The following ALG5 variants were observed in gnomAD, a reference collection of about 807,000 sequenced individuals.
ALG5 encodes dolichyl-phosphate beta-glucosyltransferase.
ALG5 carries 26 observed loss-of-function variants against 51.8 expected under a neutral mutation model. The observed-to-expected ratio is 0.50, with a 90% confidence interval of 0.37 to 0.70. The LOEUF (loss-of-function observed/expected upper bound fraction) is 0.70. Ranked by LOEUF, ALG5 falls within the 30% of genes least tolerant of loss-of-function variation. The pLI is 0.00. For missense variants in ALG5, 311 were observed against 399.3 expected, an observed-to-expected ratio of 0.78 and a Z score of 1.88; for synonymous variants, 141 against 136.1, an observed-to-expected ratio of 1.04 and a Z score of -0.25.
At chr13:36,966,369 T>C (rs1483149459) in intron 7 of ALG5, among the ~76,000 whole-genome samples, 1 of 152,228 alleles carries the variant, frequency 6.6e-6, no homozygotes, top group Non-Finnish European at 1.5e-5. Context: ...TGATGATTAA[T>C]TTTATTAGTA....
At chr13:36,954,454 G>A (rs2058831446) in intron 8 of ALG5, among the ~76,000 whole-genome samples, 1 of 152,110 alleles carries the variant, frequency 6.6e-6, no homozygotes, top group Admixed American at 6.6e-5. Flanking sequence ...ACCTCCCAAA[G>A]TCCTGAGATT....
intron 8 of ALG5, among the ~76,000 whole-genome samples, chr13:36,957,669 A>G (rs1171651855): frequency 2.0e-5 from 3 of 152,134 alleles, no homozygotes; most frequent in African/African-American, 7.2e-5. Flanking sequence ...ACTCTCCCCA[A>G]AAAGCGGGAC....
At chr13:36,965,917 C>T (rs2058891037) in intron 7 of ALG5, among the ~76,000 whole-genome samples, 191 bp from the exon 8 acceptor site, 1 of 152,088 alleles carries the variant, frequency 6.6e-6, no homozygotes, top group Non-Finnish European at 1.5e-5. Flanking sequence ...CTGCTTGGAG[C>T]AGAGTAGAGG....
intron 6 of ALG5, among the ~76,000 whole-genome samples, chr13:36,978,813 G>A (rs1260021235): frequency 6.6e-6 from 1 of 151,412 alleles, no homozygotes; most frequent in Non-Finnish European, 1.5e-5. Context: ...CTGTTTGGGA[G>A]GCTGAGGCAG....
intron 6 of ALG5, among the ~76,000 whole-genome samples, chr13:36,976,951 T>C (rs2058954839): frequency 6.6e-6 from 1 of 152,162 alleles, no homozygotes; most frequent in Non-Finnish European, 1.5e-5. Context: ...TATTGAGTAA[T>C]ACATAAAAAA....
chr13:36,990,729 C>T (rs1157063296), intron 4 of ALG5, among the ~76,000 whole-genome samples: 1 of 137,068 alleles, frequency 7.3e-6, no homozygotes, highest in East Asian at 2.3e-4. Flanking sequence ...CTTGCTGCAG[C>T]AAATGGCATC....
chr13:36,971,670 A>AAAAAC (rs2058924173), intron 7 of ALG5, among the ~76,000 whole-genome samples: 6 of 150,838 alleles, frequency 4.0e-5, no homozygotes, highest in South Asian at 2.1e-4. Context: ...AAAAAAAAAA[A>AAAAAC]GCGTAATTTA....
At chr13:36,973,695 A>T (rs553120763) in intron 6 of ALG5, among the ~76,000 whole-genome samples, 5 of 152,342 alleles carry the variant, frequency 3.3e-5, no homozygotes, top group African/African-American at 1.2e-4. Context: ...TACTACAGAC[A>T]AAAGGTTAAT....
chr13:36,985,781 C>A, intron 5 of ALG5, 41 bp from the exon 6 acceptor site: 1 of 1,401,446 alleles, frequency 7.1e-7, no homozygotes, highest in South Asian at 1.2e-5. Context: ...TTGGTTAAAA[C>A]TCAGGTTAAA....
intron 6 of ALG5, among the ~76,000 whole-genome samples, chr13:36,984,948 G>A (rs1353229892): frequency 1.3e-5 from 2 of 152,120 alleles, no homozygotes; most frequent in African/African-American, 4.8e-5. Flanking sequence ...TCTTGCTTCT[G>A]CTGAAATTCT....
At chr13:36,976,442 A>G (rs2058951421) in intron 6 of ALG5, among the ~76,000 whole-genome samples, 1 of 150,246 alleles carries the variant, frequency 6.7e-6, no homozygotes, top group Admixed American at 6.7e-5. Flanking sequence ...AAAAAAAAAA[A>G]AAAAAAAAGA....
At position 36,949,970 on chromosome 13, in the gene ALG5, C is replaced by A. The variant is rs2058811296; in HGVS notation, c.947G>T (p.Arg316Met). The A allele has an allele frequency of 6.2e-7, 1 of 1,612,528 alleles. No homozygotes were observed. Among genetic ancestry groups the A allele is most frequent in the Non-Finnish European group, 8.5e-7 (1 of 1,179,578 alleles). Residue 316 changes from arginine (R) to methionine (M), a missense_variant, in exon 10 of 10, where the codon AGG becomes ATG. By Grantham distance (91) the Arg-to-Met change is moderately conservative. Transcript: ENST00000239891. ...IRLRYLTGAWRLEQTRKMN is the reference protein window; with the variant it reads ...IRLRYLTGAWMLEQTRKMN ...ATTCATTTTCCGAGTTTGCTCAAGC[C>A]TCCAGGCACCAGTCAAATATCGAAG... is the stretch of plus-strand genomic sequence containing the variant.
intron 5 of ALG5, among the ~76,000 whole-genome samples, chr13:36,987,362 C>T (rs1383617728): frequency 6.6e-6 from 1 of 152,126 alleles, no homozygotes; most frequent in African/African-American, 2.4e-5. Context: ...TTTCATATTG[C>T]AATGTGATCC....
rs778145750 is a variant in ALG5, at chr13:36,985,701, C to T, written c.487G>A (p.Asp163Asn). 6.8e-6 allele frequency: 11 copies of T among 1,613,774 alleles called. No individual in the cohort carries two copies. Among genetic ancestry groups the T allele is most frequent in the Non-Finnish European group, 9.3e-6 (11 of 1,179,890 alleles). ...SSRGEKILMA[D>N]ADGATKFPDV... is the part of the protein sequence containing the mutation. ...GGAAACTTTGTGGCTCCATCAGCAT[C>T]TGCCATAAGGATCTTTTCTCCTCGA... The change falls in exon 6 of 10, where the codon GAT (aspartate) becomes AAT (asparagine). Residue 163 changes from aspartate (D) to asparagine (N), a missense_variant. Asp to Asn is a conservative substitution (Grantham distance 23). Coordinates refer to ENST00000239891, the MANE Select transcript of ALG5 (RefSeq NM_013338.5).
chr13:36,979,259 C>CA lies in ALG5; in HGVS notation c.561+6367dup, dbSNP rs770160947. On this transcript the variant is annotated intron_variant, in intron 6 of 9. Transcript: ENST00000239891. The stretch of plus-strand genomic sequence containing the variant: ...TCTCAAACGCCTGTCCTCAGGTTCC[C>CA]AAAGTGCTGGTATTACAGGGATGAG... 7.0e-4 allele frequency among the ~76,000 whole-genome samples: 106 copies of CA among 152,102 alleles called. 1 individual carries two copies. The highest frequency in any genetic ancestry group is 1.0e-3 in the Non-Finnish European group (70 of 68,018).
intron 5 of ALG5, among the ~76,000 whole-genome samples, chr13:36,986,526 T>C (rs569798549): frequency 1.2e-4 from 18 of 152,328 alleles, no homozygotes; most frequent in South Asian, 4.1e-4. Context: ...TGACTATAGG[T>C]AAGACATATA....
intron 8 of ALG5, among the ~76,000 whole-genome samples, chr13:36,955,347 G>C (rs545756185): frequency 9.2e-5 from 14 of 152,242 alleles, no homozygotes; most frequent in African/African-American, 3.4e-4. Flanking sequence ...TGAAGAATGA[G>C]TGTTAAAAAG....
intron 5 of ALG5, among the ~76,000 whole-genome samples, chr13:36,986,841 A>C (rs1160846563): frequency 1.3e-5 from 2 of 152,158 alleles, no homozygotes; most frequent in East Asian, 1.9e-4. Flanking sequence ...GTGGTAAAAA[A>C]ACTGGAGCTA....
intron 1 of ALG5, among the ~76,000 whole-genome samples, chr13:36,996,528 A>C (rs772986647): frequency 7.2e-5 from 11 of 152,156 alleles, no homozygotes; most frequent in Non-Finnish European, 1.6e-4. Context: ...ATGGGCTCTC[A>C]GTGGCCTATG....
Sources: gnomAD v4.1 joint callset for allele counts (sites outside exome capture counted in the v4.1 genomes callset) on GRCh38, gnomAD v4.1.1 for gene constraint, MANE v1.5 for transcripts, NCBI Gene and HGNC (gene_info 2026-07-23, HGNC 2026-07-21) for gene names.